Variants in FRMD4A observed in about 807,000 individuals in gnomAD.
FRMD4A encodes FERM domain containing 4A.
FRMD4A carries 29 observed loss-of-function variants against 129.1 expected under a neutral mutation model. The observed-to-expected ratio is 0.22, with a 90% CI of 0.17 to 0.31. The LOEUF is 0.31. Among genes scored for constraint, FRMD4A ranks in the 10% least tolerant of loss-of-function variants. FRMD4A has a pLI of 1.00. For missense variants in FRMD4A, 1,272 were observed against 1,375.8 expected (o/e 0.92, Z 1.19); for synonymous variants, 634 against 571.6 (o/e 1.11, Z -1.56).
chr10:14,259,173 G>C (rs1411657213), intron 2 of FRMD4A, among the ~76,000 whole-genome samples: 2 of 152,100 alleles, frequency 1.3e-5, no homozygotes, highest in Non-Finnish European at 2.9e-5. Context: ...TGACAAACCT[G>C]TAAACAGTAA....
intron 2 of FRMD4A, among the ~76,000 whole-genome samples, chr10:14,025,666 A>G (rs1045893132): frequency 7.9e-5 from 12 of 152,316 alleles, no homozygotes; most frequent in Admixed American, 7.8e-4. Flanking sequence ...AAACACTGTG[A>G]CCATTAAACA....
intron 3 of FRMD4A, among the ~76,000 whole-genome samples, chr10:13,811,884 G>GC (rs1554912480): frequency 7.4e-6 from 1 of 134,794 alleles, no homozygotes; most frequent in African/African-American, 2.8e-5. Context: ...TTATCTGTTG[G>GC]TTTTTTTTTT....
chr10:14,292,104 T>C (rs900989961), intron 2 of FRMD4A, among the ~76,000 whole-genome samples: 1 of 152,200 alleles, frequency 6.6e-6, no homozygotes, highest in Non-Finnish European at 1.5e-5. Flanking sequence ...GAAGTGTTAA[T>C]TTCCCCCAAA....
intron 2 of FRMD4A, among the ~76,000 whole-genome samples, chr10:14,143,902 C>T (rs1435780174): frequency 6.6e-6 from 1 of 152,050 alleles, no homozygotes; most frequent in Non-Finnish European, 1.5e-5. Flanking sequence ...AGCCACCATG[C>T]CTGACCAATG....
intron 3 of FRMD4A, among the ~76,000 whole-genome samples, chr10:13,842,828 C>G (rs2093987942): frequency 6.6e-6 from 1 of 151,954 alleles, no homozygotes; most frequent in South Asian, 2.1e-4. Flanking sequence ...AACCCTGCCT[C>G]TAAAAAAAAT....
intron 2 of FRMD4A, among the ~76,000 whole-genome samples, chr10:14,145,983 C>T (rs1447025592): frequency 1.3e-5 from 2 of 152,146 alleles, no homozygotes; most frequent in Non-Finnish European, 2.9e-5. Flanking sequence ...AAAACATTTT[C>T]CTAACAATAT....
chr10:13,729,038 G>A (rs2090130465), intron 12 of FRMD4A, among the ~76,000 whole-genome samples: 1 of 149,480 alleles, frequency 6.7e-6, no homozygotes, highest in Admixed American at 6.7e-5. Context: ...TTATTTTTAA[G>A]TAGCAGATTC....
intron 2 of FRMD4A, among the ~76,000 whole-genome samples, chr10:14,250,849 G>A (rs1296893972): frequency 2.0e-5 from 3 of 152,198 alleles, no homozygotes; most frequent in Non-Finnish European, 4.4e-5. Flanking sequence ...TGGTCTCTGG[G>A]AGTGATGTCC....
At chr10:14,113,009 A>T (rs1838004100) in intron 2 of FRMD4A, among the ~76,000 whole-genome samples, 1 of 152,144 alleles carries the variant, frequency 6.6e-6, no homozygotes, top group Non-Finnish European at 1.5e-5. Flanking sequence ...AGCAGCCTGG[A>T]GGAGAAGGAG....
intron 2 of FRMD4A, among the ~76,000 whole-genome samples, chr10:13,874,245 CA>C (rs71388124): frequency 0.35 from 26,379 of 75,230 alleles, 1,601 homozygotes; most frequent in Middle Eastern, 0.42. Context: ...GACACTGTCT[CA>C]AAAAAAAAAA....
chr10:13,967,295 C>T (rs2095491359), intron 2 of FRMD4A, among the ~76,000 whole-genome samples: 1 of 152,044 alleles, frequency 6.6e-6, no homozygotes, highest in Non-Finnish European at 1.5e-5. Flanking sequence ...TGAGATCGCG[C>T]CACTGCACTC....
chr10:14,110,753 C>T (rs1370663125), intron 2 of FRMD4A, among the ~76,000 whole-genome samples: 1 of 152,162 alleles, frequency 6.6e-6, no homozygotes, highest in Non-Finnish European at 1.5e-5. Context: ...CCAAACATAC[C>T]TCAGAATTCT....
intron 2 of FRMD4A, among the ~76,000 whole-genome samples, chr10:13,987,335 T>C (rs969672536): frequency 1.1e-4 from 16 of 152,040 alleles, no homozygotes; most frequent in African/African-American, 3.9e-4. Flanking sequence ...TCCACCCAAC[T>C]TTTTCCCACC....
intron 2 of FRMD4A, among the ~76,000 whole-genome samples, chr10:13,930,023 C>T (rs192532472): frequency 1.3e-5 from 2 of 152,154 alleles, no homozygotes; most frequent in Non-Finnish European, 2.9e-5. Flanking sequence ...TATTCAGTGC[C>T]AGGACATGGA....
intron 15 of FRMD4A, chr10:13,693,384 C>A: frequency 2.4e-6 from 1 of 410,294 alleles, no homozygotes; most frequent in Non-Finnish European, 3.6e-6. Flanking sequence ...GGAACCAGAT[C>A]TCTGACTCGC....
intron 2 of FRMD4A, among the ~76,000 whole-genome samples, chr10:13,944,369 C>T (rs1015245305): frequency 1.3e-5 from 2 of 152,044 alleles, no homozygotes; most frequent in African/African-American, 2.4e-5. Context: ...TGATTTGTCA[C>T]TGTCTCCCAT....
intron 2 of FRMD4A, among the ~76,000 whole-genome samples, chr10:14,233,112 G>A (rs1041495717): frequency 7.9e-5 from 12 of 152,186 alleles, no homozygotes; most frequent in African/African-American, 2.9e-4. Context: ...TGGGAATAAT[G>A]TCAACAGGAT....
chr10:14,109,004 T>C (rs1319547154), intron 2 of FRMD4A, among the ~76,000 whole-genome samples: 1 of 152,162 alleles, frequency 6.6e-6, no homozygotes, highest in African/African-American at 2.4e-5. Flanking sequence ...TGTACTTTCT[T>C]GATAACATTC....
At chr10:14,056,803 C>T (rs1834555284) in intron 2 of FRMD4A, among the ~76,000 whole-genome samples, 1 of 152,154 alleles carries the variant, frequency 6.6e-6, no homozygotes, top group Non-Finnish European at 1.5e-5. Context: ...TTCTTTGTTT[C>T]TTCTAGGGAG....
Sources: gnomAD v4.1 joint callset for allele counts (sites outside exome capture counted in the v4.1 genomes callset) on GRCh38, gnomAD v4.1.1 for gene constraint, MANE v1.5 for transcripts, NCBI Gene and HGNC (gene_info 2026-07-23, HGNC 2026-07-21) for gene names.